The following COL14A1 variants were observed in gnomAD, a reference collection of about 807,000 sequenced individuals.
COL14A1 encodes the protein collagen alpha-1(XIV) chain.
Under a neutral mutation model 230.3 loss-of-function variants are expected in COL14A1, and 136 were observed. The ratio of observed to expected loss-of-function variants is 0.59; its 90% CI spans 0.51 to 0.68. COL14A1 has a LOEUF of 0.68. Ranked by LOEUF, COL14A1 falls within the 30% of genes least tolerant of loss-of-function variation. COL14A1 has a pLI of 0.00. For synonymous variants in COL14A1, 792 were observed against 784.1 expected, an observed-to-expected ratio of 1.01 and a Z score of -0.17; for missense variants, 1,976 against 2,215.8, an observed-to-expected ratio of 0.89 and a Z score of 2.17.
At chr8:120,205,219 T>A (rs1690396655) in intron 9 of COL14A1, among the ~76,000 whole-genome samples, 2 of 152,134 alleles carry the variant, frequency 1.3e-5, no homozygotes, top group South Asian at 4.1e-4. Context: ...AAGATTTTGT[T>A]AGCAATTTTT....
intron 1 of COL14A1, among the ~76,000 whole-genome samples, chr8:120,139,567 T>C (rs1403792598): frequency 1.3e-5 from 2 of 152,230 alleles, no homozygotes; most frequent in Non-Finnish European, 2.9e-5. Flanking sequence ...GATAAAGTCT[T>C]CTTGATTCTC....
At chr8:120,193,366 T>C (rs1816900680) in intron 5 of COL14A1, among the ~76,000 whole-genome samples, 2 of 152,208 alleles carry the variant, frequency 1.3e-5, no homozygotes, top group Non-Finnish European at 2.9e-5. Flanking sequence ...CAGTAGATTT[T>C]CGTGATCCGC....
At chr8:120,203,664 AG>A (rs1190671955) in intron 8 of COL14A1, 44 bp from the exon 9 acceptor site, 6 of 1,601,240 alleles carry the variant, frequency 3.7e-6, no homozygotes, top group Non-Finnish European at 5.1e-6. Context: ...ACTCTTTCCA[AG>A]GGGGCATAAA....
At chr8:120,349,482 CT>C (rs1822665307) in intron 45 of COL14A1, among the ~76,000 whole-genome samples, 2 of 123,012 alleles carry the variant, frequency 1.6e-5, no homozygotes, top group African/African-American at 7.4e-5. Flanking sequence ...AAGTTGAAAA[CT>C]TTGAAAAAAA....
At chr8:120,342,256 C>T (rs1326807202) in intron 43 of COL14A1, 124 bp from the exon 44 acceptor site, 6 of 895,002 alleles carry the variant, frequency 6.7e-6, no homozygotes, top group African/African-American at 4.9e-5. Context: ...TCAAACCCAC[C>T]TGTTGCTAGG....
intron 2 of COL14A1, among the ~76,000 whole-genome samples, chr8:120,150,586 G>A (rs529514837): frequency 6.6e-6 from 1 of 152,202 alleles, no homozygotes; most frequent in African/African-American, 2.4e-5. Flanking sequence ...CATTGTAATT[G>A]TTTATTTACC....
chr8:120,362,582 G>A (rs1266469021), intron 45 of COL14A1, among the ~76,000 whole-genome samples: 2 of 152,188 alleles, frequency 1.3e-5, no homozygotes, highest in South Asian at 2.1e-4. Context: ...AGTGGTGAGG[G>A]AGAATCAGGC....
intron 5 of COL14A1, among the ~76,000 whole-genome samples, chr8:120,195,024 G>C (rs1369469693): frequency 6.6e-6 from 1 of 152,190 alleles, no homozygotes; most frequent in African/African-American, 2.4e-5. Flanking sequence ...GTGCCAGAAA[G>C]TGAATACACA....
chr8:120,279,848 T>A (rs1819982977), intron 28 of COL14A1, 87 bp from the exon 29 acceptor site: 1 of 1,444,816 alleles, frequency 6.9e-7, no homozygotes, highest in Admixed American at 2.3e-5. Context: ...ATAAACATAT[T>A]TTAAACAGTT....
chr8:120,130,854 TCA>T (rs1814504251), intron 1 of COL14A1, among the ~76,000 whole-genome samples: 1 of 152,154 alleles, frequency 6.6e-6, no homozygotes, highest in African/African-American at 2.4e-5. Context: ...AGGTAGTTCT[TCA>T]ACCCTCACCC....
At chr8:120,282,744 G>T (rs549714512) in intron 31 of COL14A1, among the ~76,000 whole-genome samples, 1 of 152,182 alleles carries the variant, frequency 6.6e-6, no homozygotes, top group Admixed American at 6.5e-5. Flanking sequence ...AACATTAGTT[G>T]TTAGAAAGAG....
intron 46 of COL14A1, among the ~76,000 whole-genome samples, chr8:120,368,581 C>T (rs1470380635): frequency 1.4e-5 from 2 of 145,036 alleles, no homozygotes; most frequent in Non-Finnish European, 3.0e-5. Flanking sequence ...TGTTGGAACC[C>T]GGACCTAAAA....
At chr8:120,335,708 G>A (rs1822037617) in intron 42 of COL14A1, among the ~76,000 whole-genome samples, 2 of 152,222 alleles carry the variant, frequency 1.3e-5, no homozygotes, top group African/African-American at 4.8e-5. Flanking sequence ...TGTGCAGTCT[G>A]CCTTCAGCTG....
intron 5 of COL14A1, among the ~76,000 whole-genome samples, chr8:120,180,856 C>T (rs550094459): frequency 6.6e-6 from 1 of 152,092 alleles, no homozygotes; most frequent in South Asian, 2.1e-4. Context: ...TACAGGTGGG[C>T]CCCAACATGC....
intron 14 of COL14A1, 72 bp downstream of exon 14, chr8:120,216,562 A>G: frequency 1.4e-6 from 2 of 1,435,874 alleles, no homozygotes; most frequent in Non-Finnish European, 1.9e-6. Context: ...ATAACCAATC[A>G]TCTCAAAGCC....
chr8:120,159,945 G>A (rs2130531016), intron 3 of COL14A1, among the ~76,000 whole-genome samples: 1 of 152,210 alleles, frequency 6.6e-6, no homozygotes, highest in East Asian at 1.9e-4. Context: ...ACCTGCCTCA[G>A]CCTCCCAAAG....
chr8:120,265,647 G>T (rs1819481493), intron 24 of COL14A1, among the ~76,000 whole-genome samples: 1 of 151,752 alleles, frequency 6.6e-6, no homozygotes, highest in Non-Finnish European at 1.5e-5. Context: ...ATATATGTGT[G>T]TGTGTGTGTG....
intron 5 of COL14A1, among the ~76,000 whole-genome samples, chr8:120,180,491 C>T (rs144037250): frequency 2.0e-4 from 30 of 152,272 alleles, no homozygotes; most frequent in African/African-American, 6.3e-4. Context: ...AATAATTGTA[C>T]TGGCTCATGT....
At chr8:120,226,548 T>C (rs575428869) in intron 15 of COL14A1, 79 bp from the exon 16 acceptor site, 2 of 1,491,774 alleles carry the variant, frequency 1.3e-6, no homozygotes, top group Admixed American at 3.5e-5. Flanking sequence ...AAGAGTCTTC[T>C]ACACCCCTGG....
Sources: gnomAD v4.1 joint callset for allele counts (sites outside exome capture counted in the v4.1 genomes callset) on GRCh38, gnomAD v4.1.1 for gene constraint, MANE v1.5 for transcripts, NCBI Gene and HGNC (gene_info 2026-07-23, HGNC 2026-07-21) for gene names.